Variants in SOHLH1 observed in about 807,000 individuals in gnomAD.
SOHLH1 encodes spermatogenesis- and oogenesis-specific basic helix-loop-helix-containing protein 1.
SOHLH1 carries 23 observed loss-of-function variants against 36.2 expected under a neutral mutation model. That is an observed-to-expected ratio of 0.64 (90% CI 0.46 to 0.90). The LOEUF (loss-of-function observed/expected upper bound fraction) is 0.90. Ranked by LOEUF, SOHLH1 falls within the 40% of genes least tolerant of loss-of-function variation. The probability of loss-of-function intolerance (pLI) is 0.00; values close to 1 mark genes in which losing one functional copy is unlikely to be tolerated. For missense variants in SOHLH1, 608 were observed against 517.0 expected, an observed-to-expected ratio of 1.18 and a Z score of -1.71; for synonymous variants, 289 against 228.3, an observed-to-expected ratio of 1.27 and a Z score of -2.40.
chr9:135,698,527 G>A (rs752593955), intron 2 of SOHLH1, 51 bp from the exon 3 acceptor site: 4 of 1,612,252 alleles, frequency 2.5e-6, no homozygotes, highest in South Asian at 1.1e-5. Context: ...CCCTCCCCGA[G>A]AAGGGACAGC....
chr9:135,699,471 C>T lies in SOHLH1; in HGVS notation c.-4G>A, dbSNP rs768172689. Reference sequence around the variant, plus strand: ...GCTCGGAGCACCGGGACGCCATGAACTCGCAGCTGCGGAGCGACCCCACGC... The same window carrying T: ...GCTCGGAGCACCGGGACGCCATGAATTCGCAGCTGCGGAGCGACCCCACGC... On this transcript the variant is annotated 5_prime_UTR_variant, in exon 1 of 8. Transcript: ENST00000425225. The T allele has an allele frequency of 3.1e-6, 5 of 1,611,884 alleles. No homozygotes were observed. The highest frequency in any genetic ancestry group is 4.2e-6 in the Non-Finnish European group (5 of 1,179,656).
chr9:135,699,291 C>G, intron 1 of SOHLH1, 112 bp downstream of exon 1: 2 of 1,496,732 alleles, frequency 1.3e-6, no homozygotes, highest in Non-Finnish European at 1.8e-6. Flanking sequence ...TCCCAGGGTC[C>G]AGGGCTCCGC....
chr9:135,694,112 G>C, intron 7 of SOHLH1: 1 of 1,428,592 alleles, frequency 7.0e-7, no homozygotes, highest in South Asian at 1.5e-5. Flanking sequence ...CAGGGGCCTC[G>C]CTGACACAGG....
intron 5 of SOHLH1, 33 bp from the exon 6 acceptor site, chr9:135,695,296 C>T (rs758489128): frequency 1.3e-6 from 2 of 1,558,902 alleles, no homozygotes; most frequent in Non-Finnish European, 8.7e-7. Flanking sequence ...GTCAGCCTTC[C>T]CTGCCCAGCC....
At position 135,699,080 on chromosome 9, in the gene SOHLH1, C is replaced by A. The variant is rs1834929941; in HGVS notation, c.112G>T (p.Gly38Cys). ...GTAGGGGCCTTGGGCGGGCCCGAGC[C>A]CCGGGCCGAGTCCTCGCAGCAGGAG... is the stretch of plus-strand genomic sequence containing the variant. ...ALSCCEDSAR[G>C]SGPPKAPTVA... Residue 38 changes from glycine (G) to cysteine (C), a missense_variant, in exon 2 of 8, where the codon GGC becomes TGC. By Grantham distance (159) the Gly-to-Cys change is radical. Coordinates refer to ENST00000425225, the MANE Select transcript of SOHLH1 (RefSeq NM_001101677.2). 1 of 1,610,460 alleles carries A rather than the reference C, an allele frequency of 6.2e-7. No individual in the cohort carries two copies. The highest frequency in any genetic ancestry group is 8.5e-7 in the Non-Finnish European group (1 of 1,179,534).
upstream of SOHLH1, among the ~76,000 whole-genome samples, chr9:135,700,129 G>C (rs1437095430): frequency 6.6e-6 from 1 of 152,092 alleles, no homozygotes; most frequent in African/African-American, 2.4e-5. Flanking sequence ...GGGCACCCTC[G>C]GAACCGTCTG....
upstream of SOHLH1, among the ~76,000 whole-genome samples, chr9:135,701,787 G>GCAGCAGAA (rs2131303392): frequency 6.6e-6 from 1 of 152,316 alleles, no homozygotes; most frequent in South Asian, 2.1e-4. Flanking sequence ...CCACGGCAGA[G>GCAGCAGAA]CAGCACAAGC....
At position 135,695,205 on chromosome 9, in the gene SOHLH1, T is replaced by G. The variant is rs1408740562; in HGVS notation, c.720A>C (p.Pro240=). The G allele has an allele frequency of 6.2e-7, 1 of 1,605,004 alleles. No homozygotes were observed. Among genetic ancestry groups the G allele is most frequent in the Non-Finnish European group, 8.5e-7 (1 of 1,177,434 alleles). The change falls in exon 6 of 8, where the codon CCA becomes CCC. Residue 240 remains proline, a synonymous_variant. Transcript: ENST00000425225. The part of the protein sequence containing the change: ...PGRSLPKAVR[P]PLSWPPFSQQ... The stretch of plus-strand genomic sequence containing the variant: ...GCGAGAACGGAGGCCAGGACAGGGG[T>G]GGCCTCACAGCCTTAGGAAGACTCC...
At chr9:135,702,058 C>G, upstream of SOHLH1, 2 of 536,064 alleles carry the variant, frequency 3.7e-6, no homozygotes, top group South Asian at 4.5e-5. Context: ...CCCGTCCCAG[C>G]CTGGGCCAGA....
chr9:135,696,465 C>G, intron 5 of SOHLH1, 147 bp downstream of exon 5: 1 of 920,158 alleles, frequency 1.1e-6, no homozygotes, highest in Non-Finnish European at 1.6e-6. Context: ...AAGCTCATCC[C>G]TCAACACGTG....
At chr9:135,693,877 G>A (rs1174513652) in intron 7 of SOHLH1, 63 bp from the exon 8 acceptor site, 19 of 1,510,382 alleles carry the variant, frequency 1.3e-5, no homozygotes, top group Admixed American at 2.0e-5. Flanking sequence ...AGGCAGACAG[G>A]TGGGGTCGGA....
chr9:135,697,679 A>G (rs769550490), intron 3 of SOHLH1, 52 bp from the exon 4 acceptor site: 1 of 1,583,720 alleles, frequency 6.3e-7, no homozygotes, highest in Non-Finnish European at 8.6e-7. Context: ...CAGCTGAGAA[A>G]CCCAAGACAC....
chr9:135,693,532 G>C lies in SOHLH1; in HGVS notation c.*65C>G, dbSNP rs574079850. 8 of 1,495,224 alleles carry C rather than the reference G, an allele frequency of 5.4e-6. 1 individual carries two copies. The highest frequency in any genetic ancestry group is 7.2e-6 in the Non-Finnish European group (8 of 1,115,316). The allele number at this position is 1,495,224 out of a possible 1,614,324, so 92.6% of individuals were successfully genotyped here. A position where few individuals can be genotyped will look rare whatever the true frequency, so the allele number is the denominator to read the frequency against. ...AACCCAAAATAAAATGCCCAAGCAC[G>C]CGACAGGGACACACACGGCTCCAGA... On this transcript the variant is annotated 3_prime_UTR_variant, in exon 8 of 8. Transcript: ENST00000425225.
In SOHLH1 at chr9:135,697,540, G is replaced by T; in HGVS notation, c.433C>A (p.Pro145Thr). 6.2e-7 allele frequency: 1 copy of T among 1,612,334 alleles called. No homozygotes were observed. ...TLSSQIQAGV[P>T]DPGTGASSGT... is the part of the protein sequence containing the mutation. The stretch of plus-strand genomic sequence containing the variant: ...CTGGACGCTCCCGTCCCAGGGTCTG[G>T]CACACCTGCTTGAATCTGACTCGAC... The change falls in exon 4 of 8, where the codon CCA (proline) becomes ACA (threonine). Residue 145 changes from proline to threonine, a missense_variant. By Grantham distance (38) the Pro-to-Thr change is conservative (BLOSUM62 -1). Transcript: ENST00000425225.
chr9:135,699,856 C>G (rs1243549912), upstream of SOHLH1, among the ~76,000 whole-genome samples: 1 of 152,030 alleles, frequency 6.6e-6, no homozygotes, highest in Non-Finnish European at 1.5e-5. Context: ...CCCTTAGGAG[C>G]CCAGCCCCTG....
Position 135,699,454 on chromosome 9 carries a change from C to A in SOHLH1, c.14G>T (p.Cys5Phe). The change falls in exon 1 of 8, where the codon TGC (cysteine) becomes TTC (phenylalanine). Residue 5 changes from cysteine (C) to phenylalanine (F), a missense_variant. Coordinates refer to ENST00000425225, the MANE Select transcript of SOHLH1 (RefSeq NM_001101677.2). MASR[C>F]SEPYPEVSRI... ...GGAGACCTCCGGGTAGGGCTCGGAGCACCGGGACGCCATGAACTCGCAGCT... is the reference window on the plus strand; with the variant it reads ...GGAGACCTCCGGGTAGGGCTCGGAGAACCGGGACGCCATGAACTCGCAGCT... 6.2e-7 allele frequency: 1 copy of A among 1,612,238 alleles called. No homozygotes were observed. The highest frequency in any genetic ancestry group is 8.5e-7 in the Non-Finnish European group (1 of 1,179,780).
In SOHLH1 at chr9:135,697,568, C is replaced by T. The variant is rs760556303; in HGVS notation, c.405G>A (p.Thr135=). 1.7e-5 allele frequency: 28 copies of T among 1,612,622 alleles called. No homozygotes were observed. The Middle Eastern group carries it at 6.6e-4, about 38-fold the overall frequency. ...HSLQEDVLQL[T]LSSQIQAGVP... is the part of the protein sequence containing the mutation. ...CACCTGCTTGAATCTGACTCGACAA[C>T]GTCAACTGTAAAACATCCTCCTGCA... is the stretch of plus-strand genomic sequence containing the variant. Residue 135 remains threonine (T), a synonymous_variant, in exon 4 of 8, where the codon ACG becomes ACA. Transcript: ENST00000425225.
At position 135,698,302 on chromosome 9, in the gene SOHLH1, C is replaced by T. The variant is rs372552333; in HGVS notation, c.345+27G>A. 6.3e-5 allele frequency: 102 copies of T among 1,612,792 alleles called. No homozygotes were observed. The African/African-American group carries it at 1.3e-3, about 20-fold the overall frequency. The stretch of plus-strand genomic sequence containing the variant: ...GTCCCATCACCGTGATGCCGGAGGA[C>T]TGACGGCGTCTACCCTTACAACTCA... On this transcript the variant is annotated intron_variant, in intron 3 of 7. Transcript: ENST00000425225.
chr9:135,693,842 G>A, intron 7 of SOHLH1, 28 bp from the exon 8 acceptor site: 3 of 1,531,214 alleles, frequency 2.0e-6, no homozygotes, highest in Non-Finnish European at 2.7e-6. Flanking sequence ...ACATCGGCAG[G>A]GCAGGCAGGT....
Sources: allele counts gnomAD v4.1 joint callset (sites outside exome capture counted in the v4.1 genomes callset), GRCh38; gene constraint gnomAD v4.1.1; transcripts MANE v1.5; gene names NCBI Gene and HGNC (gene_info 2026-07-23, HGNC 2026-07-21).